The following TASP1 variants were observed in gnomAD, a reference collection of about 807,000 sequenced individuals.
The protein encoded by TASP1 is threonine aspartase 1.
In TASP1, 16 loss-of-function variants were observed where a neutral mutation model predicts 56.6. That is an observed-to-expected ratio of 0.28 (90% CI 0.19 to 0.43). The LOEUF is 0.43. TASP1 is among the 20% of genes least tolerant of loss of function. The pLI, the probability that TASP1 is intolerant of heterozygous loss-of-function variation, is 1.00. For missense variants in TASP1, 393 were observed against 511.6 expected (o/e 0.77, Z 2.24); for synonymous variants, 179 against 184.2 (o/e 0.97, Z 0.23).
chr20:13,421,598 C>CTTTTTTTTTTTTTTTTTTTTTTTT (rs1332836180), intron 12 of TASP1, among the ~76,000 whole-genome samples: 1 of 152,100 alleles, frequency 6.6e-6, no homozygotes, highest in Admixed American at 6.5e-5. Flanking sequence ...AGATAATTTA[C>CTTTTTTTTTTTTTTTTTTTTTTTT]ATTACTCATA....
the TASP1 span, among the ~76,000 whole-genome samples, chr20:13,218,638 A>AATTTC: frequency 6.6e-6 from 1 of 152,254 alleles, no homozygotes; most frequent in African/African-American, 2.4e-5. Flanking sequence ...CTATTGGTAC[A>AATTTC]ATTTCATAAA....
chr20:13,109,242 GC>G, the TASP1 span, among the ~76,000 whole-genome samples: 1 of 152,280 alleles, frequency 6.6e-6, no homozygotes. Flanking sequence ...AGATTATTCT[GC>G]CAGACATTCA....
chr20:13,357,931 G>A, the TASP1 span, among the ~76,000 whole-genome samples: 4 of 152,176 alleles, frequency 2.6e-5, no homozygotes, highest in South Asian at 2.1e-4. Flanking sequence ...TGACTTGCAC[G>A]TATATGCCCA....
At chr20:13,153,934 A>G in the TASP1 span, 1 of 1,582,806 alleles carries the variant, frequency 6.3e-7, no homozygotes, top group Non-Finnish European at 8.6e-7. Context: ...GATGCTTGCC[A>G]AGTTGACCGG....
the TASP1 span, among the ~76,000 whole-genome samples, chr20:13,377,957 T>C: frequency 6.6e-6 from 1 of 152,176 alleles, no homozygotes; most frequent in Non-Finnish European, 1.5e-5. Context: ...ATTTGATTCT[T>C]CTCTCTTTTC....
chr20:13,337,037 G>A, the TASP1 span, among the ~76,000 whole-genome samples: 57 of 152,288 alleles, frequency 3.7e-4, 2 homozygotes, highest in Admixed American at 2.0e-3. Flanking sequence ...AGATTTCCAG[G>A]TTCGATGTTT....
At chr20:13,561,480 C>T (rs1163134268) in intron 7 of TASP1, among the ~76,000 whole-genome samples, 1 of 152,074 alleles carries the variant, frequency 6.6e-6, no homozygotes, top group African/African-American at 2.4e-5. Flanking sequence ...ATTCACTTGC[C>T]TCGGCCTCCC....
At chr20:13,570,179 C>T (rs1392680641) in intron 6 of TASP1, among the ~76,000 whole-genome samples, 1 of 152,014 alleles carries the variant, frequency 6.6e-6, no homozygotes, top group Non-Finnish European at 1.5e-5. Context: ...TTTAATATAA[C>T]AAAGTGGATA....
the TASP1 span, among the ~76,000 whole-genome samples, chr20:13,170,335 G>A: frequency 1.3e-5 from 2 of 152,108 alleles, no homozygotes; most frequent in Non-Finnish European, 2.9e-5. Context: ...TTAGCTAAAC[G>A]TTATATATTA....
the TASP1 span, among the ~76,000 whole-genome samples, chr20:13,188,154 G>A: frequency 6.6e-6 from 1 of 152,210 alleles, no homozygotes; most frequent in East Asian, 1.9e-4. Flanking sequence ...AGATAAGGAT[G>A]CCCACTTTTA....
chr20:13,162,783 C>A, the TASP1 span, among the ~76,000 whole-genome samples: 1 of 152,122 alleles, frequency 6.6e-6, no homozygotes, highest in East Asian at 1.9e-4. Flanking sequence ...TTAACAGCAT[C>A]CAACCCAGAA....
the TASP1 span, among the ~76,000 whole-genome samples, chr20:13,304,379 C>T: frequency 6.6e-6 from 1 of 152,136 alleles, no homozygotes; most frequent in African/African-American, 2.4e-5. Flanking sequence ...CCTTCTCACT[C>T]CCCCACTGTC....
At chr20:13,394,729 C>T (rs1010336212) in intron 13 of TASP1, among the ~76,000 whole-genome samples, 2 of 152,086 alleles carry the variant, frequency 1.3e-5, no homozygotes, top group Non-Finnish European at 2.9e-5. Flanking sequence ...ATGCAAACAG[C>T]TCCACACCAA....
chr20:13,580,610 C>G (rs2047084958), intron 6 of TASP1, among the ~76,000 whole-genome samples: 1 of 152,092 alleles, frequency 6.6e-6, no homozygotes, highest in Non-Finnish European at 1.5e-5. Context: ...ATTCTAAGAA[C>G]TTCTCAAAAT....
chr20:13,129,186 G>A, the TASP1 span, among the ~76,000 whole-genome samples: 689 of 152,152 alleles, frequency 4.5e-3, 3 homozygotes, highest in Non-Finnish European at 7.1e-3. Flanking sequence ...ATTTGTAGTC[G>A]AGACGGGGTT....
In TASP1 at chr20:13,390,252, A is replaced by G; in HGVS notation, c.*108T>C. 1 of 1,008,974 alleles carries G rather than the reference A, an allele frequency of 9.9e-7. No homozygotes were observed. 62.5% of individuals were successfully genotyped at this position (1,008,974 alleles called of 1,614,324 possible). A position where few individuals can be genotyped will look rare whatever the true frequency, so the allele number is the denominator to read the frequency against. ...TGTCTCGAGCAGTGCACGAGGTTGC[A>G]ATAGGAATTATAAAACAAGAAAGAT... On this transcript the variant is annotated 3_prime_UTR_variant, in exon 14 of 14. Transcript: ENST00000337743.
At chr20:13,438,476 C>G (rs2043094806) in intron 11 of TASP1, among the ~76,000 whole-genome samples, 1 of 152,152 alleles carries the variant, frequency 6.6e-6, no homozygotes, top group Admixed American at 6.6e-5. Flanking sequence ...AACTGGATCC[C>G]TTCCTTATAC....
chr20:13,406,581 T>C (rs1306289644), intron 13 of TASP1, among the ~76,000 whole-genome samples: 1 of 152,146 alleles, frequency 6.6e-6, no homozygotes, highest in Non-Finnish European at 1.5e-5. Context: ...CCAATTAGTA[T>C]GATTTTAGCT....
the TASP1 span, among the ~76,000 whole-genome samples, chr20:13,333,081 T>C: frequency 2.7e-3 from 416 of 152,304 alleles, 3 homozygotes; most frequent in African/African-American, 9.8e-3. Flanking sequence ...ACTTACACAA[T>C]ACAACTTAAA....
Sources: allele counts gnomAD v4.1 joint callset (sites outside exome capture counted in the v4.1 genomes callset), GRCh38; gene constraint gnomAD v4.1.1; transcripts MANE v1.5; gene names NCBI Gene and HGNC (gene_info 2026-07-23, HGNC 2026-07-21).